Variants in CHD9 observed in about 807,000 individuals in gnomAD.
CHD9 encodes the protein chromodomain helicase DNA binding protein 9, also known as ATP-dependent chromatin remodeler CHD9.
In CHD9, 77 loss-of-function variants were observed where a neutral mutation model predicts 316.1. The ratio of observed to expected loss-of-function variants is 0.24; its 90% CI spans 0.20 to 0.29. CHD9 has a LOEUF of 0.29. Among genes scored for constraint, CHD9 ranks in the 10% least tolerant of loss-of-function variants. The pLI is 1.00. For synonymous variants in CHD9, 1,129 were observed against 1,158.3 expected, an observed-to-expected ratio of 0.97 and a Z score of 0.51; for missense variants, 2,763 against 3,438.1, an observed-to-expected ratio of 0.80 and a Z score of 4.91.
At chr16:53,204,849 GTTTA>G (rs1348105802) in intron 2 of CHD9, among the ~76,000 whole-genome samples, 3 of 152,010 alleles carry the variant, frequency 2.0e-5, no homozygotes, top group Admixed American at 6.6e-5. Flanking sequence ...ATGTTTGTTT[GTTTA>G]TTTGTTTTGA....
Position 53,208,394 on chromosome 16 carries a change from T to C in CHD9, c.1453-1088T>C. 4 of 1,275,660 alleles carry C rather than the reference T, an allele frequency of 3.1e-6. No individual in the cohort carries two copies. In the South Asian group the frequency reaches 5.1e-5, roughly 16 times the overall value. The allele number at this position is 1,275,660 out of a possible 1,614,324, so 79.0% of individuals were successfully genotyped here. On this transcript the variant is annotated intron_variant, in intron 2 of 38. Coordinates refer to ENST00000447540, the MANE Select transcript of CHD9 (RefSeq NM_001308319.2). ...TGGGAGGAGGAGGGGTTCTTTGGGC[T>C]AAAAGGCTAATGGGATTGAATAACC...
At chr16:53,302,626 T>C (rs2055549366) in intron 30 of CHD9, among the ~76,000 whole-genome samples, 1 of 152,258 alleles carries the variant, frequency 6.6e-6, no homozygotes, top group Admixed American at 6.5e-5. Flanking sequence ...CTAAATCTTG[T>C]CTACAACAGT....
At chr16:53,225,409 A>C (rs1006780284) in intron 4 of CHD9, among the ~76,000 whole-genome samples, 1 of 152,238 alleles carries the variant, frequency 6.6e-6, no homozygotes, top group Non-Finnish European at 1.5e-5. Context: ...AATTTAAAAA[A>C]TAAACCTAAG....
chr16:53,113,435 C>T (rs540831802), intron 1 of CHD9, among the ~76,000 whole-genome samples: 109 of 149,044 alleles, frequency 7.3e-4, no homozygotes, highest in African/African-American at 2.5e-3. Context: ...GCCTCAGCCT[C>T]CCGAGTAGCT....
At chr16:53,273,908 A>C (rs1225030905) in intron 23 of CHD9, 123 bp downstream of exon 23, 3 of 872,448 alleles carry the variant, frequency 3.4e-6, no homozygotes, top group Non-Finnish European at 5.3e-6. Context: ...TCCTAATCCT[A>C]ATTTTACAAG....
chr16:53,308,621 C>G (rs766133612), intron 33 of CHD9, 65 bp from the exon 34 acceptor site: 68 of 1,247,668 alleles, frequency 5.5e-5, no homozygotes, highest in Non-Finnish European at 7.4e-5. Flanking sequence ...AAAAAATTCT[C>G]TTAATATCCT....
chr16:53,167,348 GTATT>G (rs1033365089), intron 2 of CHD9, among the ~76,000 whole-genome samples: 2 of 152,092 alleles, frequency 1.3e-5, no homozygotes, highest in Non-Finnish European at 2.9e-5. Flanking sequence ...TATTTGTTCA[GTATT>G]TATTAGATGT....
intron 27 of CHD9, among the ~76,000 whole-genome samples, chr16:53,291,354 T>C (rs1400179475): frequency 6.6e-6 from 1 of 151,962 alleles, no homozygotes; most frequent in African/African-American, 2.4e-5. Flanking sequence ...TAACCAGATA[T>C]GAAAATGAAT....
chr16:53,246,688 T>C (rs549799329), intron 15 of CHD9, among the ~76,000 whole-genome samples: 1 of 149,390 alleles, frequency 6.7e-6, no homozygotes, highest in South Asian at 2.1e-4. Flanking sequence ...AGCTGATTTC[T>C]TTTTTTTTTC....
At chr16:53,150,927 A>G (rs7350877) in intron 1 of CHD9, among the ~76,000 whole-genome samples, 19,178 of 152,066 alleles carry the variant, frequency 0.13, 1,351 homozygotes, top group South Asian at 0.23. Context: ...CAAATTGACT[A>G]TAATGTGTTA....
At position 53,301,654 on chromosome 16, in the gene CHD9, A is replaced by AT. The variant is rs1335209973; in HGVS notation, c.5714-2058dup. 5.3e-5 allele frequency among the ~76,000 whole-genome samples: 8 copies of AT among 151,204 alleles called. No homozygotes were observed. The East Asian group carries it at 5.8e-4, about 11-fold the overall frequency. The stretch of plus-strand genomic sequence containing the variant: ...CATATTGATTTTTGCATGGTCCTTG[A>AT]TTTTTTTTCAAATTTTTTTGTTTTG... On this transcript the variant is annotated intron_variant, in intron 30 of 38. Coordinates refer to ENST00000447540, the MANE Select transcript of CHD9 (RefSeq NM_001308319.2).
intron 18 of CHD9, 28 bp from the exon 19 acceptor site, chr16:53,255,572 A>G (rs780523944): frequency 4.5e-5 from 72 of 1,592,388 alleles, no homozygotes; most frequent in East Asian, 1.3e-4. Flanking sequence ...AAAAAAAACT[A>G]TTTTTATGGA....
At chr16:53,275,393 A>G (rs1311039590) in intron 24 of CHD9, among the ~76,000 whole-genome samples, 1 of 152,184 alleles carries the variant, frequency 6.6e-6, no homozygotes, top group Non-Finnish European at 1.5e-5. Context: ...TTGAGTACTC[A>G]TTAAGCACCA....
At chr16:53,149,435 T>A (rs1479500212) in intron 1 of CHD9, among the ~76,000 whole-genome samples, 1 of 152,186 alleles carries the variant, frequency 6.6e-6, no homozygotes, top group African/African-American at 2.4e-5. Flanking sequence ...GTATTTTTAC[T>A]TCATAAATTT....
At chr16:53,145,016 A>G (rs1041121132) in intron 1 of CHD9, among the ~76,000 whole-genome samples, 105 of 150,568 alleles carry the variant, frequency 7.0e-4, no homozygotes, top group African/African-American at 2.5e-3. Flanking sequence ...AAAAAAGTTC[A>G]TTTAGGATTG....
chr16:53,116,741 T>C (rs1434300433), intron 1 of CHD9, among the ~76,000 whole-genome samples: 1 of 152,196 alleles, frequency 6.6e-6, no homozygotes, highest in East Asian at 1.9e-4. Context: ...CCCAAAGGAA[T>C]ATAAATCATT....
At chr16:53,188,969 G>T (rs1012830348) in intron 2 of CHD9, among the ~76,000 whole-genome samples, 1 of 151,642 alleles carries the variant, frequency 6.6e-6, no homozygotes, top group African/African-American at 2.4e-5. Context: ...CTGATTTGTA[G>T]GAGTTATTTA....
chr16:53,153,767 G>T (rs140901827), intron 1 of CHD9, among the ~76,000 whole-genome samples: 110 of 152,070 alleles, frequency 7.2e-4, no homozygotes, highest in African/African-American at 2.4e-3. Context: ...GAACTCCTGG[G>T]CTTAATAAGC....
intron 10 of CHD9, 35 bp from the exon 11 acceptor site, chr16:53,235,149 AT>A: frequency 6.5e-7 from 1 of 1,537,468 alleles, no homozygotes; most frequent in Non-Finnish European, 8.8e-7. Flanking sequence ...TATATGGAAG[AT>A]TTAAACACCA....
Sources: gnomAD v4.1 joint callset for allele counts (sites outside exome capture counted in the v4.1 genomes callset) on GRCh38, gnomAD v4.1.1 for gene constraint, MANE v1.5 for transcripts, NCBI Gene and HGNC (gene_info 2026-07-23, HGNC 2026-07-21) for gene names.